FGD2: variants seen among roughly 807,000 people sequenced by gnomAD.
FGD2 encodes FYVE, RhoGEF and PH domain-containing protein 2.
FGD2 carries 52 observed loss-of-function variants against 75.9 expected under a neutral mutation model. That is an observed-to-expected ratio of 0.69 (90% CI 0.55 to 0.86). The LOEUF (loss-of-function observed/expected upper bound fraction) is 0.86. Among genes scored for constraint, FGD2 ranks in the 40% least tolerant of loss-of-function variants. FGD2 has a pLI of 0.00. For synonymous variants in FGD2, 347 were observed against 348.6 expected, an observed-to-expected ratio of 1.00 and a Z score of 0.05; for missense variants, 790 against 872.0, an observed-to-expected ratio of 0.91 and a Z score of 1.18.
chr6:37,012,411 T>G (rs1280029381), intron 4 of FGD2, among the ~76,000 whole-genome samples: 2 of 152,052 alleles, frequency 1.3e-5, no homozygotes, highest in Non-Finnish European at 1.5e-5. Flanking sequence ...AAACTGTTGT[T>G]TTTTTTTAAG....
intron 2 of FGD2, 32 bp downstream of exon 2, chr6:37,009,097 G>C (rs369601176): frequency 7.9e-5 from 127 of 1,597,882 alleles, no homozygotes; most frequent in Admixed American, 1.2e-4. Flanking sequence ...GGTGTGGGGT[G>C]CTGGGGTGGG....
chr6:37,025,451 G>A (rs1765770798), intron 13 of FGD2: 1 of 298,718 alleles, frequency 3.3e-6, no homozygotes, highest in African/African-American at 2.1e-5. Context: ...TGAATCAGAT[G>A]CCAGTGGCCC....
Position 37,005,813 on chromosome 6 carries a change from G to A in FGD2, c.-5G>A, listed in dbSNP as rs1428366948. ...TAGCTGAGATCCACCCCGGAAACCG[G>A]CAGGATGAAGGGGGCAAGTGAGGAG... On this transcript the variant is annotated 5_prime_UTR_variant, in exon 1 of 16. Coordinates refer to ENST00000274963, the MANE Select transcript of FGD2 (RefSeq NM_173558.4). 2 of 1,613,656 alleles carry A rather than the reference G, an allele frequency of 1.2e-6. No homozygotes were observed. Among genetic ancestry groups the A allele is most frequent in the African/African-American group, 2.7e-5 (2 of 75,048 alleles).
At chr6:37,015,924 G>C (rs1208668729) in intron 9 of FGD2, 64 bp downstream of exon 9, 2 of 1,426,024 alleles carry the variant, frequency 1.4e-6, no homozygotes, top group African/African-American at 1.4e-5. Flanking sequence ...CAGGGAGTAA[G>C]AGGAGGGGCC....
chr6:37,025,961 T>C, intron 14 of FGD2, 23 bp downstream of exon 14: 1 of 1,612,680 alleles, frequency 6.2e-7, no homozygotes, highest in Non-Finnish European at 8.5e-7. Context: ...GTCCCCGCGC[T>C]CACCATCCGT....
intron 9 of FGD2, among the ~76,000 whole-genome samples, chr6:37,016,993 T>G (rs1426844993): frequency 6.6e-6 from 1 of 152,244 alleles, no homozygotes; most frequent in Non-Finnish European, 1.5e-5. Context: ...TTGCTTCTTG[T>G]GAGGCCTTCC....
rs1285432556 is a variant in FGD2 at position 37,020,560 on chromosome 6, C to A, written c.1142C>A (p.Ala381Asp). Reference sequence around the variant, plus strand: ...TGGCAGGTGCGGGAGCTGATGGATGCTGAGTTTCCCCACTCCTTCCTGGTG... The same window carrying A: ...TGGCAGGTGCGGGAGCTGATGGATGATGAGTTTCCCCACTCCTTCCTGGTG... ...AGMKVRELMD[A>D]EFPHSFLVSG... The change falls in exon 10 of 16, where the codon GCT becomes GAT. Residue 381 changes from alanine (A) to aspartate (D), a missense_variant. By Grantham distance (126) the Ala-to-Asp change is moderately radical. Transcript: ENST00000274963. 2 of 1,607,892 alleles carry A rather than the reference C, an allele frequency of 1.2e-6. No individual in the cohort carries two copies. The highest frequency in any genetic ancestry group is 1.7e-5 in the Admixed American group (1 of 59,310).
chr6:37,009,282 C>T (rs1268203890), intron 2 of FGD2: 3 of 509,738 alleles, frequency 5.9e-6, no homozygotes, highest in Non-Finnish European at 1.0e-5. Flanking sequence ...GCGAGTCCCT[C>T]GTGTAGGAGT....
chr6:37,020,864 GGGGA>G (rs1002304929), intron 11 of FGD2, 125 bp downstream of exon 11: 25 of 1,309,060 alleles, frequency 1.9e-5, no homozygotes, highest in African/African-American at 3.0e-5. Flanking sequence ...TTGGGCTGAA[GGGGA>G]GGGAGTGGTG....
Position 37,026,085 on chromosome 6 carries a change from C to T in FGD2, c.1605+147C>T, listed in dbSNP as rs546185264. On this transcript the variant is annotated intron_variant, in intron 14 of 15. Coordinates refer to ENST00000274963, the MANE Select transcript of FGD2 (RefSeq NM_173558.4). ...CCCCTCTCCCTCTTCCTCTCTCTGC[C>T]CACAGACCCCAGGCCTCTCGCCACA... The T allele has an allele frequency of 2.3e-5, 34 of 1,459,454 alleles. No individual in the cohort carries two copies. In the East Asian group the frequency reaches 4.5e-4, roughly 19 times the overall value. The allele number at this position is 1,459,454 out of a possible 1,614,324, so 90.4% of individuals were successfully genotyped here.
At chr6:37,026,738 G>A (rs1354951966) in intron 14 of FGD2, among the ~76,000 whole-genome samples, 3 of 152,094 alleles carry the variant, frequency 2.0e-5, no homozygotes, top group African/African-American at 7.2e-5. Context: ...GAAGGCTCAT[G>A]CCTGTAATCC....
In FGD2 at chr6:37,028,615, C is replaced by CTTTTTTTT. The variant is rs386406733; in HGVS notation, c.*462_*469dup. 512 of 78,954 alleles carry CTTTTTTTT rather than the reference C, an allele frequency of 6.5e-3. 92 individuals are homozygous for CTTTTTTTT. In the East Asian group the frequency reaches 0.11, roughly 18 times the overall value. The allele number at this position is 78,954 out of a possible 1,614,324, so 4.9% of individuals were successfully genotyped here. A position where few individuals can be genotyped will look rare whatever the true frequency, so the allele number is the denominator to read the frequency against. On this transcript the variant is annotated 3_prime_UTR_variant, in exon 16 of 16. Coordinates refer to ENST00000274963, the MANE Select transcript of FGD2 (RefSeq NM_173558.4). ...GGCTGAGTTGGGGGAGGCATGGGGT[C>CTTTTTTTT]TTTTTTTTTTTTTTTTTGAGACAGA...
chr6:37,013,892 C>T (rs2150772862), intron 5 of FGD2, 70 bp from the exon 6 acceptor site: 1 of 1,587,568 alleles, frequency 6.3e-7, no homozygotes, highest in East Asian at 2.2e-5. Context: ...ACTCGTCCGG[C>T]CCTCAGGAGC....
intron 4 of FGD2, among the ~76,000 whole-genome samples, chr6:37,012,410 T>G (rs532989210): frequency 2.7e-5 from 4 of 149,144 alleles, no homozygotes; most frequent in African/African-American, 7.7e-5. Flanking sequence ...TAAACTGTTG[T>G]TTTTTTTTAA....
At position 37,011,755 on chromosome 6, in the gene FGD2, C is replaced by G. The variant is rs754904015; in HGVS notation, c.428C>G (p.Pro143Arg). 158 of 1,614,180 alleles carry G rather than the reference C, an allele frequency of 9.8e-5. 2 individuals carry two copies. Among genetic ancestry groups the G allele is most frequent in the Middle Eastern group, 6.6e-4 (4 of 6,062 alleles). The change falls in exon 4 of 16, where the codon CCA becomes CGA. Residue 143 changes from proline (P) to arginine (R), a missense_variant. By Grantham distance (103) the Pro-to-Arg change is moderately radical (BLOSUM62 -2). Transcript: ENST00000274963. ...LKTARSSKAF[P>R]EDVVRVIFSN... Reference sequence around the variant, plus strand: ...ACAGCCCGCAGCAGCAAGGCCTTCCCAGAGGATGTGGTCAGGGTCATCTTC... The same window carrying G: ...ACAGCCCGCAGCAGCAAGGCCTTCCGAGAGGATGTGGTCAGGGTCATCTTC...
chr6:37,016,174 T>C (rs1765280308), intron 9 of FGD2, among the ~76,000 whole-genome samples: 1 of 152,164 alleles, frequency 6.6e-6, no homozygotes, highest in Non-Finnish European at 1.5e-5. Flanking sequence ...TCTGGGCATC[T>C]TGTAAAAATG....
At position 37,026,918 on chromosome 6, in the gene FGD2, G is replaced by T. The variant is rs145121803; in HGVS notation, c.1606-511G>T. Among the ~76,000 whole-genome samples, 4 of 151,824 alleles carry T rather than the reference G, an allele frequency of 2.6e-5. No individual in the cohort carries two copies. In the East Asian group the frequency reaches 7.7e-4, roughly 29 times the overall value. Reference sequence around the variant, plus strand: ...AGCTACTCGGGATGCTGAGGCAGGAGAATCTCTTGAACCCGGGAGGTGGAG... The same window carrying T: ...AGCTACTCGGGATGCTGAGGCAGGATAATCTCTTGAACCCGGGAGGTGGAG... On this transcript the variant is annotated intron_variant, in intron 14 of 15. Transcript: ENST00000274963.
intron 9 of FGD2, among the ~76,000 whole-genome samples, chr6:37,020,017 T>C (rs1765496413): frequency 1.3e-5 from 2 of 152,132 alleles, no homozygotes; most frequent in Admixed American, 1.3e-4. Flanking sequence ...CATGTCCAGC[T>C]AATTTTTGTA....
intron 8 of FGD2, 63 bp from the exon 9 acceptor site, chr6:37,015,704 GA>G: frequency 1.4e-6 from 2 of 1,480,902 alleles, no homozygotes; most frequent in Non-Finnish European, 1.8e-6. Context: ...CACCCTCGGG[GA>G]AACCCCACCT....
Sources: gnomAD v4.1 joint callset for allele counts (sites outside exome capture counted in the v4.1 genomes callset) on GRCh38, gnomAD v4.1.1 for gene constraint, MANE v1.5 for transcripts, NCBI Gene and HGNC (gene_info 2026-07-23, HGNC 2026-07-21) for gene names.